Variants in NEK5 observed in about 807,000 individuals in gnomAD.
The protein encoded by NEK5 is serine/threonine-protein kinase Nek5.
A neutral mutation model predicts 109.2 loss-of-function variants in NEK5; 88 were observed. The ratio of observed to expected loss-of-function variants is 0.81; its 90% CI spans 0.68 to 0.96. The LOEUF is 0.96. Among genes scored for constraint, NEK5 ranks in the 40% least tolerant of loss-of-function variants. The pLI, the probability that NEK5 is intolerant of heterozygous loss-of-function variation, is 0.00. For missense variants in NEK5, 834 were observed against 920.7 expected (o/e 0.91, Z 1.22); for synonymous variants, 283 against 299.9 (o/e 0.94, Z 0.58).
chr13:52,110,555 A>C lies in NEK5; in HGVS notation c.335T>G (p.Ile112Ser), dbSNP rs773833975. The change falls in exon 6 of 24, where the codon ATT (isoleucine) becomes AGT (serine). Residue 112 changes from isoleucine (I) to serine (S), a missense_variant. Physicochemically the swap from Ile to Ser is moderately radical, Grantham distance 142 (BLOSUM62 -2). Around this residue, in one of 2 missense-constraint regions of NEK5, gnomAD observed 777 missense variants for 824.7 expected, o/e 0.94. Coordinates refer to ENST00000684899, the MANE Select transcript of NEK5 (RefSeq NM_001365552.1). ...ATGAATATGTTTTAGTCCTAGAGAA[A>C]TCTGTACAAACCAACCGAGGATCTA... Reference protein sequence around the residue: ...EDQILGWFVQISLGLKHIHDR... With the variant: ...EDQILGWFVQSSLGLKHIHDR... 7 of 1,611,716 alleles carry C rather than the reference A, an allele frequency of 4.3e-6. No homozygotes were observed. The highest frequency in any genetic ancestry group is 5.9e-6 in the Non-Finnish European group (7 of 1,178,386).
intron 22 of NEK5, among the ~76,000 whole-genome samples, chr13:52,057,823 T>C (rs1420523620): frequency 3.3e-5 from 5 of 151,934 alleles, no homozygotes; most frequent in Non-Finnish European, 2.9e-5. Flanking sequence ...GAGCTATCTA[T>C]GACAAACCCA....
chr13:52,051,606 C>T (rs1334942213), intron 22 of NEK5, among the ~76,000 whole-genome samples: 2 of 152,082 alleles, frequency 1.3e-5, no homozygotes, highest in East Asian at 1.9e-4. Flanking sequence ...CAATGGCTGA[C>T]GAGTCACTGA....
chr13:52,077,453 CA>C (rs1762313712), intron 17 of NEK5, among the ~76,000 whole-genome samples: 1 of 152,164 alleles, frequency 6.6e-6, no homozygotes, highest in African/African-American at 2.4e-5. Context: ...AGAGAGTTTG[CA>C]AGCCATGGTG....
At chr13:52,038,399 G>A (rs981371620) in intron 23 of NEK5, among the ~76,000 whole-genome samples, 7 of 152,162 alleles carry the variant, frequency 4.6e-5, no homozygotes, top group African/African-American at 7.2e-5. Context: ...GATGTGTATC[G>A]TGGAAGCCAA....
In NEK5 at chr13:52,068,301, G is replaced by A. The variant is rs79822039; in HGVS notation, c.1850-2692C>T. ...AGTTCTGGGTAATACCTCAGACAAC[G>A]ATACTGCAATATTTATTTGGAAAAA... On this transcript the variant is annotated intron_variant, in intron 20 of 23. Coordinates refer to ENST00000684899, the MANE Select transcript of NEK5 (RefSeq NM_001365552.1). Among the ~76,000 whole-genome samples the A allele has an allele frequency of 7.6e-3, 1,160 of 152,168 alleles. 13 individuals carry two copies. Among genetic ancestry groups the A allele is most frequent in the Middle Eastern group, 0.02 (6 of 294 alleles).
intron 12 of NEK5, among the ~76,000 whole-genome samples, chr13:52,096,258 G>C (rs1955413449): frequency 6.6e-6 from 1 of 152,190 alleles, no homozygotes; most frequent in Non-Finnish European, 1.5e-5. Context: ...ATTGTATAAA[G>C]ATACCTGAAA....
At chr13:52,127,292 T>G in intron 3 of NEK5, 74 bp downstream of exon 3, 1 of 821,010 alleles carries the variant, frequency 1.2e-6, no homozygotes, top group Non-Finnish European at 2.0e-6. Flanking sequence ...AAATAAAAAT[T>G]TCCTTTTTAT....
At chr13:52,047,643 T>C (rs559565091) in intron 23 of NEK5, among the ~76,000 whole-genome samples, 75 of 152,024 alleles carry the variant, frequency 4.9e-4, no homozygotes, top group African/African-American at 1.8e-3. Flanking sequence ...GAGTTCAAGA[T>C]GAGCCTGGGC....
At chr13:52,069,543 C>T (rs1399221835) in intron 20 of NEK5, among the ~76,000 whole-genome samples, 1 of 152,222 alleles carries the variant, frequency 6.6e-6, no homozygotes, top group African/African-American at 2.4e-5. Flanking sequence ...GAATCTGCAA[C>T]TGATGCTCTA....
Position 52,117,699 on chromosome 13 carries a change from C to A in NEK5, c.214+1620G>T, listed in dbSNP as rs974538340. Reference sequence around the variant, plus strand: ...CAAGTGGTGAGCAAAACAGATGGAGCCCCAAAATTCATTAAGTTTACCATG... The same window carrying A: ...CAAGTGGTGAGCAAAACAGATGGAGACCCAAAATTCATTAAGTTTACCATG... On this transcript the variant is annotated intron_variant, in intron 4 of 23. Coordinates refer to ENST00000684899, the MANE Select transcript of NEK5 (RefSeq NM_001365552.1). 2.0e-5 allele frequency among the ~76,000 whole-genome samples: 3 copies of A among 152,078 alleles called. No individual in the cohort carries two copies. In the South Asian group the frequency reaches 6.3e-4, roughly 32 times the overall value.
chr13:52,051,013 C>T (rs138206089), intron 22 of NEK5, among the ~76,000 whole-genome samples: 453 of 151,456 alleles, frequency 3.0e-3, no homozygotes, highest in Non-Finnish European at 5.2e-3. Context: ...CCACCGTGCC[C>T]GGCCCTAGTG....
intron 3 of NEK5, among the ~76,000 whole-genome samples, chr13:52,124,802 C>G (rs1449244471): frequency 6.6e-6 from 1 of 152,058 alleles, no homozygotes; most frequent in Non-Finnish European, 1.5e-5. Context: ...GTAGTCAAAC[C>G]TAGGCAACTC....
rs773494010 is a variant in NEK5 at position 52,099,723 on chromosome 13, G to T, written c.1026+20C>A. ...TATACCATAGCTAAAAAACACAAAGGAGGGTTTAGAATGACTTACAGATCT... is the reference window on the plus strand; with the variant it reads ...TATACCATAGCTAAAAAACACAAAGTAGGGTTTAGAATGACTTACAGATCT... On this transcript the variant is annotated intron_variant, in intron 12 of 23. Coordinates refer to ENST00000684899, the MANE Select transcript of NEK5 (RefSeq NM_001365552.1). 6.2e-7 allele frequency: 1 copy of T among 1,607,098 alleles called. No individual in the cohort carries two copies. Among genetic ancestry groups the T allele is most frequent in the Non-Finnish European group, 8.5e-7 (1 of 1,177,398 alleles).
chr13:52,078,618 C>T (rs538668721), intron 17 of NEK5, among the ~76,000 whole-genome samples: 3 of 150,892 alleles, frequency 2.0e-5, no homozygotes, highest in East Asian at 3.9e-4. Context: ...AGATGGCGGA[C>T]TCAAGTCCTA....
At chr13:52,071,546 C>G (rs777259473) in intron 20 of NEK5, among the ~76,000 whole-genome samples, 2 of 152,214 alleles carry the variant, frequency 1.3e-5, no homozygotes, top group Non-Finnish European at 2.9e-5. Flanking sequence ...ACAACACTGG[C>G]CCCAGCCAGT....
intron 16 of NEK5, among the ~76,000 whole-genome samples, chr13:52,085,040 G>A (rs983305785): frequency 3.9e-5 from 6 of 152,102 alleles, no homozygotes; most frequent in African/African-American, 9.7e-5. Flanking sequence ...AAGTATGAAC[G>A]TGATATGGTT....
chr13:52,055,912 A>G (rs1324636641), intron 22 of NEK5, among the ~76,000 whole-genome samples: 4 of 152,142 alleles, frequency 2.6e-5, no homozygotes, highest in Admixed American at 6.5e-5. Flanking sequence ...TAACCAGCTA[A>G]CATCATAATG....
intron 22 of NEK5, among the ~76,000 whole-genome samples, chr13:52,054,245 G>C (rs2137704516): frequency 6.6e-6 from 1 of 152,220 alleles, no homozygotes; most frequent in East Asian, 1.9e-4. Context: ...ATGATGGCTA[G>C]ATTTGTCCAA....
At position 52,093,330 on chromosome 13, in the gene NEK5, C is replaced by T. The variant is rs182906564; in HGVS notation, c.1027-95G>A. On this transcript the variant is annotated intron_variant, in intron 12 of 23. Coordinates refer to ENST00000684899, the MANE Select transcript of NEK5 (RefSeq NM_001365552.1). ...ACCCTAGCACTTTGGGAGGCTGAGG[C>T]GGGTGGATCACCTGAGGTCAGGAGT... The T allele has an allele frequency of 6.5e-3, 5,469 of 839,808 alleles. 28 individuals carry two copies. The highest frequency in any genetic ancestry group is 7.6e-3 in the Non-Finnish European group (4,026 of 530,842). 52.0% of individuals were successfully genotyped at this position (839,808 alleles called of 1,614,324 possible).
Sources: allele counts gnomAD v4.1 joint callset (sites outside exome capture counted in the v4.1 genomes callset), GRCh38; gene constraint gnomAD v4.1.1; regional missense constraint gnomAD v4.1.1; transcripts MANE v1.5; gene names NCBI Gene and HGNC (gene_info 2026-07-23, HGNC 2026-07-21).